Variants in DPYSL3 observed in about 807,000 individuals in gnomAD.
DPYSL3 encodes the protein dihydropyrimidinase like 3.
In DPYSL3, 16 loss-of-function variants were observed where a neutral mutation model predicts 66.1. The observed-to-expected ratio is 0.24, with a 90% CI of 0.16 to 0.37. The LOEUF (loss-of-function observed/expected upper bound fraction) is 0.37. DPYSL3 is among the 10% of genes least tolerant of loss of function. The pLI is 1.00. For synonymous variants in DPYSL3, 338 were observed against 345.1 expected, an observed-to-expected ratio of 0.98 and a Z score of 0.23; for missense variants, 738 against 916.2, an observed-to-expected ratio of 0.81 and a Z score of 2.51.
intron 1 of DPYSL3, among the ~76,000 whole-genome samples, chr5:147,482,585 G>GT (rs1202618216): frequency 2.6e-5 from 4 of 152,160 alleles, no homozygotes; most frequent in Non-Finnish European, 4.4e-5. Flanking sequence ...ACCAGAGACC[G>GT]TTTTTTCCAC....
chr5:147,441,223 T>C (rs1002500207), intron 1 of DPYSL3, among the ~76,000 whole-genome samples: 1 of 152,214 alleles, frequency 6.6e-6, no homozygotes, highest in African/African-American at 2.4e-5. Flanking sequence ...CACAGGCTGA[T>C]GGTTTTAACA....
intron 3 of DPYSL3, 143 bp downstream of exon 3, chr5:147,418,304 C>T (rs950599566): frequency 3.8e-6 from 3 of 798,202 alleles, no homozygotes; most frequent in Non-Finnish European, 5.6e-6. Context: ...GCTCAATCTG[C>T]TTTTCTCAGG....
intron 8 of DPYSL3, among the ~76,000 whole-genome samples, chr5:147,403,705 A>G (rs1447301273): frequency 6.6e-6 from 1 of 152,228 alleles, no homozygotes; most frequent in Non-Finnish European, 1.5e-5. Flanking sequence ...TATCCTGCTC[A>G]GGAGGGAAGT....
chr5:147,397,910 C>T (rs1362187461), intron 11 of DPYSL3, 65 bp from the exon 12 acceptor site: 2 of 1,432,024 alleles, frequency 1.4e-6, no homozygotes, highest in Non-Finnish European at 1.9e-6. Flanking sequence ...ACCTTCTCTC[C>T]TTGAGACCTT....
intron 1 of DPYSL3, among the ~76,000 whole-genome samples, chr5:147,443,615 A>C (rs1357337177): frequency 4.0e-5 from 6 of 151,186 alleles, no homozygotes; most frequent in Admixed American, 2.0e-4. Flanking sequence ...TTAAGGAGAG[A>C]TAAAGAAAAA....
chr5:147,424,716 A>C (rs1184525425), intron 2 of DPYSL3, among the ~76,000 whole-genome samples, 159 bp downstream of exon 2: 1 of 152,188 alleles, frequency 6.6e-6, no homozygotes, highest in East Asian at 1.9e-4. Context: ...TAGAATGCTC[A>C]TCAATACTTT....
intron 4 of DPYSL3, 90 bp downstream of exon 4, chr5:147,415,618 TA>T: frequency 6.7e-7 from 1 of 1,500,734 alleles, no homozygotes; most frequent in South Asian, 1.3e-5. Flanking sequence ...AGGCTCCAAG[TA>T]AAAGACAGTG....
chr5:147,467,421 G>C (rs1315969145), intron 1 of DPYSL3, among the ~76,000 whole-genome samples: 1 of 152,186 alleles, frequency 6.6e-6, no homozygotes, highest in East Asian at 1.9e-4. Flanking sequence ...CCATAGAAGT[G>C]AGTGGATGGA....
chr5:147,466,393 T>A (rs1304020829), intron 1 of DPYSL3, among the ~76,000 whole-genome samples: 3 of 152,186 alleles, frequency 2.0e-5, no homozygotes, highest in Non-Finnish European at 4.4e-5. Flanking sequence ...AGAATTAAGA[T>A]GGCAGTGAGT....
chr5:147,442,694 G>C (rs1752556286), intron 1 of DPYSL3, among the ~76,000 whole-genome samples: 1 of 151,962 alleles, frequency 6.6e-6, no homozygotes, highest in African/African-American at 2.4e-5. Flanking sequence ...GATTTTCCAA[G>C]GAATGTAATA....
intron 1 of DPYSL3, among the ~76,000 whole-genome samples, chr5:147,462,381 T>G (rs1752947037): frequency 6.6e-6 from 1 of 152,130 alleles, no homozygotes; most frequent in Non-Finnish European, 1.5e-5. Context: ...TAGTATACTT[T>G]ATTGATAACA....
intron 11 of DPYSL3, among the ~76,000 whole-genome samples, chr5:147,398,089 T>C (rs1221221233): frequency 6.6e-6 from 1 of 152,136 alleles, no homozygotes; most frequent in African/African-American, 2.4e-5. Context: ...GGAAGTCAAC[T>C]TTTGTCTTGG....
chr5:147,479,717 A>G (rs567069396), intron 1 of DPYSL3, among the ~76,000 whole-genome samples: 2 of 152,288 alleles, frequency 1.3e-5, no homozygotes, highest in South Asian at 4.1e-4. Context: ...CTCCACATGG[A>G]GCTTAGCAAG....
chr5:147,489,209 T>C (rs1753379139), intron 1 of DPYSL3, among the ~76,000 whole-genome samples: 1 of 152,038 alleles, frequency 6.6e-6, no homozygotes, highest in Admixed American at 6.6e-5. Flanking sequence ...GGATTCTGCT[T>C]TCCTATTTTG....
intron 8 of DPYSL3, among the ~76,000 whole-genome samples, chr5:147,402,341 C>T (rs1468625930): frequency 3.0e-5 from 4 of 135,044 alleles, no homozygotes; most frequent in African/African-American, 9.8e-5. Flanking sequence ...ACTCTCATGA[C>T]TTTTTTTTTT....
At position 147,391,970 on chromosome 5, in the gene DPYSL3, C is replaced by T. The variant is rs1055178017; in HGVS notation, c.*2065G>A. 3 of 152,232 alleles carry T rather than the reference C, an allele frequency of 2.0e-5. No individual in the cohort carries two copies. Among genetic ancestry groups the T allele is most frequent in the African/African-American group, 7.2e-5 (3 of 41,454 alleles). The allele number at this position is 152,232 out of a possible 1,614,324, so 9.4% of individuals were successfully genotyped here. On this transcript the variant is annotated 3_prime_UTR_variant, in exon 14 of 14. Transcript: ENST00000343218. Reference sequence around the variant, plus strand: ...TGCAGAGATGAGTCAGACTCAGGGGCTGAGTAACAGCAGAGCAGAGAGTGC... The same window carrying T: ...TGCAGAGATGAGTCAGACTCAGGGGTTGAGTAACAGCAGAGCAGAGAGTGC...
intron 1 of DPYSL3, 113 bp from the exon 2 acceptor site, chr5:147,425,076 CA>C (rs1225260411): frequency 2.7e-6 from 2 of 741,518 alleles, no homozygotes; most frequent in Non-Finnish European, 4.5e-6. Flanking sequence ...ACACATTTAC[CA>C]AAGACATATG....
chr5:147,421,043 C>T (rs764126719), intron 2 of DPYSL3, among the ~76,000 whole-genome samples: 14 of 152,198 alleles, frequency 9.2e-5, no homozygotes, highest in Non-Finnish European at 1.6e-4. Flanking sequence ...AGAAATAAAG[C>T]GTATTCAAAT....
chr5:147,466,798 C>T (rs1384500002), intron 1 of DPYSL3, among the ~76,000 whole-genome samples: 1 of 152,144 alleles, frequency 6.6e-6, no homozygotes, highest in Non-Finnish European at 1.5e-5. Context: ...GTTTCCTGTA[C>T]TCAGCTATAG....
Sources: gnomAD v4.1 joint callset for allele counts (sites outside exome capture counted in the v4.1 genomes callset) on GRCh38, gnomAD v4.1.1 for gene constraint, MANE v1.5 for transcripts, NCBI Gene and HGNC (gene_info 2026-07-23, HGNC 2026-07-21) for gene names.